The following NSD1 variants were observed in gnomAD, a reference collection of about 807,000 sequenced individuals.
NSD1 encodes the protein nuclear receptor binding SET domain protein 1, also known as histone-lysine N-methyltransferase, H3 lysine-36 specific.
A neutral mutation model predicts 242.7 loss-of-function variants in NSD1; 26 were observed. The ratio of observed to expected loss-of-function variants is 0.11; its 90% CI spans 0.08 to 0.15. The LOEUF (loss-of-function observed/expected upper bound fraction) is 0.15. NSD1 is among the 10% of genes least tolerant of loss of function. The pLI, the probability that NSD1 is intolerant of heterozygous loss-of-function variation, is 1.00. For synonymous variants in NSD1, 1,106 were observed against 1,178.1 expected (o/e 0.94, Z 1.25); for missense variants, 2,495 against 3,272.8 (o/e 0.76, Z 5.80).
chr5:177,285,822 C>T (rs1183064058), intron 20 of NSD1, among the ~76,000 whole-genome samples: 1 of 152,102 alleles, frequency 6.6e-6, no homozygotes, highest in Non-Finnish European at 1.5e-5. Context: ...CTGTTGTCCT[C>T]AGGAAGCATT....
At chr5:177,255,246 A>G (rs1207834086) in intron 12 of NSD1, among the ~76,000 whole-genome samples, 1 of 151,658 alleles carries the variant, frequency 6.6e-6, no homozygotes, top group African/African-American at 2.4e-5. Context: ...TGGAGGTTGC[A>G]GTGAGCTGAC....
At chr5:177,272,001 G>A (rs951907174) in intron 16 of NSD1, among the ~76,000 whole-genome samples, 3 of 152,232 alleles carry the variant, frequency 2.0e-5, no homozygotes, top group Non-Finnish European at 2.9e-5. Flanking sequence ...ATGTGCGCCT[G>A]TAATCCCAGC....
chr5:177,140,282 G>A (rs1176767915), intron 2 of NSD1, among the ~76,000 whole-genome samples: 1 of 152,174 alleles, frequency 6.6e-6, no homozygotes, highest in Non-Finnish European at 1.5e-5. Context: ...TAGGTGCTTT[G>A]GATGTGGAGA....
intron 2 of NSD1, among the ~76,000 whole-genome samples, chr5:177,152,964 C>A (rs1483260674): frequency 6.6e-6 from 1 of 151,968 alleles, no homozygotes. Flanking sequence ...GGGATAACAG[C>A]TGTGAGCCAC....
At chr5:177,196,933 T>G (rs904801385) in intron 3 of NSD1, among the ~76,000 whole-genome samples, 1 of 152,220 alleles carries the variant, frequency 6.6e-6, no homozygotes, top group Non-Finnish European at 1.5e-5. Context: ...ATATAATGTT[T>G]TTCCTGTACA....
chr5:177,196,926 T>G (rs1762141326), intron 3 of NSD1, among the ~76,000 whole-genome samples: 1 of 152,224 alleles, frequency 6.6e-6, no homozygotes, highest in Non-Finnish European at 1.5e-5. Flanking sequence ...CCCATATATA[T>G]AATGTTTTTC....
At chr5:177,216,905 A>C (rs1415752234) in intron 5 of NSD1, among the ~76,000 whole-genome samples, 1 of 150,630 alleles carries the variant, frequency 6.6e-6, no homozygotes, top group Non-Finnish European at 1.5e-5. Context: ...TGATTACCAT[A>C]GCCTCATGAT....
intron 5 of NSD1, among the ~76,000 whole-genome samples, chr5:177,218,738 T>A (rs111834220): frequency 6.6e-6 from 1 of 151,362 alleles, no homozygotes; most frequent in African/African-American, 2.4e-5. Context: ...CGGCTAAATT[T>A]TTTTTGTATT....
At chr5:177,161,680 CTT>C (rs57657595) in intron 2 of NSD1, among the ~76,000 whole-genome samples, 23 of 135,214 alleles carry the variant, frequency 1.7e-4, no homozygotes, top group South Asian at 2.3e-4. Flanking sequence ...TTCTTTCTTT[CTT>C]TTTTTTTTTT....
intron 2 of NSD1, among the ~76,000 whole-genome samples, chr5:177,182,258 A>C (rs928630350): frequency 6.6e-6 from 1 of 152,166 alleles, no homozygotes; most frequent in African/African-American, 2.4e-5. Context: ...CAGAGGCTAC[A>C]GTGAGTTGTT....
At chr5:177,221,716 A>G (rs1404129802) in intron 5 of NSD1, among the ~76,000 whole-genome samples, 4 of 151,914 alleles carry the variant, frequency 2.6e-5, no homozygotes, top group Non-Finnish European at 5.9e-5. Flanking sequence ...TGATCCGTCC[A>G]TGTTAGCTTC....
intron 2 of NSD1, among the ~76,000 whole-genome samples, chr5:177,156,633 A>AT (rs1758159840): frequency 6.6e-6 from 1 of 152,178 alleles, no homozygotes; most frequent in Admixed American, 6.5e-5. Context: ...CTTGGCAATA[A>AT]TATCAAGACC....
rs1427866185 is a variant in NSD1 at position 177,297,876 on chromosome 5, T to TTC, written c.*2418_*2419dup. On this transcript the variant is annotated 3_prime_UTR_variant, in exon 23 of 23. Transcript: ENST00000439151. Reference sequence around the variant, plus strand: ...CCATTCTCCGCCATTCATTGGAGGCTTCGTTCCAGACCTGCCTGGGAAAAC... The same window carrying TTC: ...CCATTCTCCGCCATTCATTGGAGGCTTCTCGTTCCAGACCTGCCTGGGAAAAC... 2.1e-5 allele frequency: 5 copies of TTC among 233,068 alleles called. No homozygotes were observed. In the Admixed American group the frequency reaches 2.3e-4, roughly 11 times the overall value. The allele number at this position is 233,068 out of a possible 1,614,324, so 14.4% of individuals were successfully genotyped here.
chr5:177,176,955 A>G (rs1760255133), intron 2 of NSD1, among the ~76,000 whole-genome samples: 1 of 152,194 alleles, frequency 6.6e-6, no homozygotes, highest in African/African-American at 2.4e-5. Flanking sequence ...AATGAAAACA[A>G]TACCCCCTAC....
chr5:177,226,857 A>G (rs1764673003), intron 5 of NSD1, among the ~76,000 whole-genome samples: 1 of 152,184 alleles, frequency 6.6e-6, no homozygotes, highest in East Asian at 1.9e-4. Flanking sequence ...AAGGGGCTGC[A>G]TGTATAGTTT....
rs1038148286 is a variant in NSD1, at chr5:177,134,304, T to G, written c.-18+352T>G. On this transcript the variant is annotated intron_variant, in intron 1 of 22. Transcript: ENST00000439151. This position sits in a 1 kb window ranked among gnomAD's most constrained non-coding sequence, Gnocchi z 4.2. ...TCCCGCAGCAAACTTTGCTTGCTGC[T>G]GAATATTGATGAGAGCGATCGGCTC... 1 of 151,772 alleles carries G rather than the reference T, an allele frequency of 6.6e-6. No homozygotes were observed. The highest frequency in any genetic ancestry group is 1.5e-5 in the Non-Finnish European group (1 of 67,882). 9.4% of individuals were successfully genotyped at this position (151,772 alleles called of 1,614,324 possible). A position where few individuals can be genotyped will look rare whatever the true frequency, so the allele number is the denominator to read the frequency against.
chr5:177,195,504 A>G (rs933469514), intron 3 of NSD1, among the ~76,000 whole-genome samples: 4 of 151,702 alleles, frequency 2.6e-5, no homozygotes, highest in East Asian at 1.9e-4. Context: ...GTCTCGTTCT[A>G]TTGCCCAGGC....
intron 2 of NSD1, among the ~76,000 whole-genome samples, chr5:177,185,761 T>TTATATATTATATATAATATATTA: frequency 1.3e-5 from 1 of 78,174 alleles, no homozygotes; most frequent in African/African-American, 5.7e-5. Context: ...ATAATATATT[T>TTATATATTATATATAATATATTA]TATATATTTA....
rs190031408 is a variant in NSD1, at chr5:177,178,762, G to A, written c.928-13122G>A. Reference sequence around the variant, plus strand: ...CATTAAAAAGTGCTTTGTTGAAAGTGTTTGGTTTAGCACATTTTTATTGAT... The same window carrying A: ...CATTAAAAAGTGCTTTGTTGAAAGTATTTGGTTTAGCACATTTTTATTGAT... On this transcript the variant is annotated intron_variant, in intron 2 of 22. Coordinates refer to ENST00000439151, the MANE Select transcript of NSD1 (RefSeq NM_022455.5). 3.3e-5 allele frequency among the ~76,000 whole-genome samples: 5 copies of A among 152,278 alleles called. No individual in the cohort carries two copies. In the East Asian group the frequency reaches 9.6e-4, roughly 29 times the overall value.
Sources: allele counts gnomAD v4.1 joint callset (sites outside exome capture counted in the v4.1 genomes callset), GRCh38; gene constraint gnomAD v4.1.1; non-coding constraint Gnocchi (gnomAD v3.1); transcripts MANE v1.5; gene names NCBI Gene and HGNC (gene_info 2026-07-23, HGNC 2026-07-21).